FAM163A: variants seen among roughly 807,000 people sequenced by gnomAD.
FAM163A encodes family with sequence similarity 163 member A.
A neutral mutation model predicts 12.0 loss-of-function variants in FAM163A; 7 were observed. The ratio of observed to expected loss-of-function variants is 0.58; its 90% confidence interval spans 0.33 to 1.10. FAM163A has a LOEUF of 1.10. Ranked by LOEUF, FAM163A falls within the 50% of genes least tolerant of loss-of-function variation. FAM163A has a pLI of 0.03. For synonymous variants in FAM163A, 101 were observed against 91.0 expected (o/e 1.11, Z -0.62); for missense variants, 202 against 218.6 (o/e 0.92, Z 0.48).
intron 1 of FAM163A, among the ~76,000 whole-genome samples, chr1:179,801,598 G>A (rs80163222): frequency 0.046 from 6,938 of 152,228 alleles, 240 homozygotes; most frequent in African/African-American, 0.092. Flanking sequence ...ATTTATCTCC[G>A]TTTTGCAGAT....
At chr1:179,769,683 G>A (rs1290402429) in intron 1 of FAM163A, among the ~76,000 whole-genome samples, 4 of 152,158 alleles carry the variant, frequency 2.6e-5, no homozygotes, top group Non-Finnish European at 5.9e-5. Flanking sequence ...CCGTGGCAGA[G>A]GTGGCAGTGG....
At chr1:179,784,429 C>G (rs1259838376) in intron 1 of FAM163A, among the ~76,000 whole-genome samples, 1 of 152,192 alleles carries the variant, frequency 6.6e-6, no homozygotes, top group African/African-American at 2.4e-5. Context: ...CCTGTTGTAT[C>G]CTCTGAAAAT....
At chr1:179,794,193 T>G (rs547177497) in intron 1 of FAM163A, among the ~76,000 whole-genome samples, 1 of 152,368 alleles carries the variant, frequency 6.6e-6, no homozygotes, top group South Asian at 2.1e-4. Context: ...TTCAGGGGCC[T>G]GTCTTTGCTG....
At chr1:179,768,623 T>C (rs1687830934) in intron 1 of FAM163A, among the ~76,000 whole-genome samples, 1 of 152,044 alleles carries the variant, frequency 6.6e-6, no homozygotes, top group Non-Finnish European at 1.5e-5. Context: ...TTTTTTTTTT[T>C]TGAGGCGGAG....
chr1:179,770,046 C>T (rs1410845136), intron 1 of FAM163A, among the ~76,000 whole-genome samples: 1 of 151,706 alleles, frequency 6.6e-6, no homozygotes, highest in Non-Finnish European at 1.5e-5. Context: ...GCTGGGACTA[C>T]AGGCGCCTGC....
intron 1 of FAM163A, among the ~76,000 whole-genome samples, chr1:179,802,528 G>A (rs563266627): frequency 1.3e-5 from 2 of 152,274 alleles, no homozygotes; most frequent in East Asian, 1.9e-4. Flanking sequence ...GCCCAGCAAC[G>A]GTAACAAACA....
At chr1:179,813,679 C>T (rs771004626) in intron 4 of FAM163A, 100 bp from the exon 5 acceptor site, 1 of 1,383,974 alleles carries the variant, frequency 7.2e-7, no homozygotes, top group Non-Finnish European at 9.9e-7. Context: ...GCACTAGGTT[C>T]TCCATGGAGC....
chr1:179,729,570 T>C, the FAM163A span, among the ~76,000 whole-genome samples: 1 of 152,230 alleles, frequency 6.6e-6, no homozygotes, highest in Admixed American at 6.5e-5. Flanking sequence ...CTGTAACAGT[T>C]GTTACTTGTT....
At chr1:179,779,149 G>A (rs1315036013) in intron 1 of FAM163A, among the ~76,000 whole-genome samples, 1 of 152,146 alleles carries the variant, frequency 6.6e-6, no homozygotes, top group Non-Finnish European at 1.5e-5. Context: ...AAGAATCTGG[G>A]TAGTTTTTCT....
At chr1:179,747,368 A>G (rs950057928) in intron 1 of FAM163A, among the ~76,000 whole-genome samples, 3 of 152,162 alleles carry the variant, frequency 2.0e-5, no homozygotes, top group Non-Finnish European at 4.4e-5. Flanking sequence ...CTCAGCCTGG[A>G]AGCCGATGGA....
the FAM163A span, among the ~76,000 whole-genome samples, chr1:179,732,295 G>C: frequency 6.6e-6 from 1 of 152,168 alleles, no homozygotes. Context: ...ATCTTCTGGT[G>C]ACCCATGCCA....
the FAM163A span, among the ~76,000 whole-genome samples, chr1:179,733,446 T>C: frequency 3.3e-4 from 51 of 152,256 alleles, 2 homozygotes; most frequent in East Asian, 6.9e-3. Context: ...TTCACTTGTA[T>C]TAGGGAGACC....
At chr1:179,773,742 C>T (rs553962929) in intron 1 of FAM163A, among the ~76,000 whole-genome samples, 3 of 152,306 alleles carry the variant, frequency 2.0e-5, no homozygotes, top group East Asian at 1.9e-4. Flanking sequence ...ATTAAAGCAT[C>T]GGCCTCTAGA....
In FAM163A at chr1:179,780,604, C is replaced by T. The variant is rs542227234; in HGVS notation, c.-135-27194C>T. ...AGAAATGCACATTCTCAAGACTCAC[C>T]CCAGACCTGCTGAATCAGAAACTTG... is the stretch of plus-strand genomic sequence containing the variant. On this transcript the variant is annotated intron_variant, in intron 1 of 4. Transcript: ENST00000341785. Among the ~76,000 whole-genome samples, 5 of 152,260 alleles carry T rather than the reference C, an allele frequency of 3.3e-5. No homozygotes were observed. The South Asian group carries it at 1.0e-3, about 32-fold the overall frequency.
At chr1:179,799,837 GT>G (rs1692911076) in intron 1 of FAM163A, among the ~76,000 whole-genome samples, 1 of 152,310 alleles carries the variant, frequency 6.6e-6, no homozygotes, top group African/African-American at 2.4e-5. Flanking sequence ...CCACACTCGT[GT>G]AAAATGACAC....
At chr1:179,802,856 C>T (rs7549420) in intron 1 of FAM163A, among the ~76,000 whole-genome samples, 4,435 of 151,994 alleles carry the variant, frequency 0.029, 222 homozygotes, top group African/African-American at 0.1. Context: ...TAGGGTAAAC[C>T]ACCTGCCATT....
chr1:179,798,375 G>A (rs1197667011), intron 1 of FAM163A, among the ~76,000 whole-genome samples: 4 of 152,170 alleles, frequency 2.6e-5, no homozygotes, highest in African/African-American at 4.8e-5. Context: ...TGTCTCACAC[G>A]GGGCTTGCCC....
the FAM163A span, among the ~76,000 whole-genome samples, chr1:179,730,749 T>C: frequency 6.6e-6 from 1 of 152,228 alleles, no homozygotes; most frequent in East Asian, 1.9e-4. Context: ...AAATAGCTTT[T>C]TTCTTAAGGT....
chr1:179,748,315 T>C (rs940057816), intron 1 of FAM163A, among the ~76,000 whole-genome samples: 2 of 151,996 alleles, frequency 1.3e-5, no homozygotes, highest in African/African-American at 4.8e-5. Flanking sequence ...TTGCCCACAG[T>C]GGTGGGAGCA....
Sources: gnomAD v4.1 joint callset for allele counts (sites outside exome capture counted in the v4.1 genomes callset) on GRCh38, gnomAD v4.1.1 for gene constraint, MANE v1.5 for transcripts, NCBI Gene and HGNC (gene_info 2026-07-23, HGNC 2026-07-21) for gene names.